Variants in KIF13A observed in about 807,000 individuals in gnomAD.
KIF13A encodes kinesin-like protein KIF13A.
KIF13A carries 79 observed loss-of-function variants against 212.2 expected under a neutral mutation model. The ratio of observed to expected loss-of-function variants is 0.37; its 90% confidence interval spans 0.31 to 0.45. The LOEUF is 0.45. KIF13A is among the 20% of genes least tolerant of loss of function. KIF13A has a pLI of 1.00. For missense variants in KIF13A, 1,901 were observed against 2,209.0 expected (o/e 0.86, Z 2.79); for synonymous variants, 789 against 808.6 (o/e 0.98, Z 0.41).
intron 17 of KIF13A, chr6:17,815,666 G>C (rs777583970): frequency 4.9e-6 from 2 of 410,680 alleles, no homozygotes; most frequent in South Asian, 3.6e-5. Flanking sequence ...TATAATATTG[G>C]AATAAAGAGT....
At chr6:17,860,721 G>A (rs1269741260) in intron 4 of KIF13A, among the ~76,000 whole-genome samples, 1 of 147,696 alleles carries the variant, frequency 6.8e-6, no homozygotes, top group African/African-American at 2.5e-5. Flanking sequence ...GTGAGACTCT[G>A]TCTCAAAAAA....
chr6:17,828,417 C>A lies in KIF13A; in HGVS notation c.1402-47G>T, dbSNP rs1765158633. The A allele has an allele frequency of 6.4e-7, 1 of 1,554,764 alleles. No individual in the cohort carries two copies. The highest frequency in any genetic ancestry group is 1.9e-5 in the Admixed American group (1 of 53,402). On this transcript the variant is annotated intron_variant, in intron 13 of 38. Transcript: ENST00000259711. The surrounding 1 kb of genome is among the most constrained non-coding windows in gnomAD (Gnocchi z 4.3). ...AAGAAAAACCCACATTTATGAGTAA[C>A]TCAGCAAAAATGTATCACAATCAAT...
At chr6:17,969,793 C>T (rs1023936234) in intron 2 of KIF13A, among the ~76,000 whole-genome samples, 1 of 152,094 alleles carries the variant, frequency 6.6e-6, no homozygotes, top group Admixed American at 6.6e-5. Flanking sequence ...ATTTACTGAC[C>T]CACTAAAATT....
intron 16 of KIF13A, among the ~76,000 whole-genome samples, chr6:17,819,753 T>A (rs6459577): frequency 0.46 from 69,277 of 151,720 alleles, 16,189 homozygotes; most frequent in South Asian, 0.53. Context: ...TATGGTAAAA[T>A]TTTTTTGAGG....
In KIF13A at chr6:17,855,388, T is replaced by C; in HGVS notation, c.494+49A>G. ...TTCCAATTTTAACTTTAGAATCATT[T>C]AAAATTATCTCCCCCTATTAACACA... On this transcript the variant is annotated intron_variant, in intron 6 of 38. Transcript: ENST00000259711. The surrounding 1 kb of genome is among the most constrained non-coding windows in gnomAD (Gnocchi z 4.1). The C allele has an allele frequency of 7.3e-7, 1 of 1,375,760 alleles. No individual in the cohort carries two copies. Among genetic ancestry groups the C allele is most frequent in the Non-Finnish European group, 1.0e-6 (1 of 999,542 alleles). 85.2% of individuals were successfully genotyped at this position (1,375,760 alleles called of 1,614,324 possible).
Position 17,915,936 on chromosome 6 carries a change from C to CA in KIF13A, c.147-17757dup, listed in dbSNP as rs1201620976. ...AGCCTGGGTGACAGAGAGCCAGTCT[C>CA]AAAAAAAAAAATAAAAATAAAAATA... On this transcript the variant is annotated intron_variant, in intron 2 of 38. Coordinates refer to ENST00000259711, the MANE Select transcript of KIF13A (RefSeq NM_022113.6). The surrounding 1 kb of genome is among the most constrained non-coding windows in gnomAD (Gnocchi z 4.4). Among the ~76,000 whole-genome samples, 133 of 126,684 alleles carry CA rather than the reference C, an allele frequency of 1.0e-3. 1 individual carries two copies. In the Middle Eastern group the frequency reaches 0.013, roughly 12 times the overall value. 83.1% of individuals were successfully genotyped at this position (126,684 alleles called of 152,430 possible).
chr6:17,876,091 A>C (rs958844205), intron 3 of KIF13A, among the ~76,000 whole-genome samples: 1 of 152,148 alleles, frequency 6.6e-6, no homozygotes, highest in African/African-American at 2.4e-5. Flanking sequence ...CATGCCTTGG[A>C]ACTACTACTT....
At chr6:17,820,339 G>A (rs1178107460) in intron 16 of KIF13A, among the ~76,000 whole-genome samples, 2 of 152,178 alleles carry the variant, frequency 1.3e-5, no homozygotes, top group Admixed American at 6.5e-5. Flanking sequence ...ACCACACACA[G>A]CTACGGTGGA....
chr6:17,882,111 A>C (rs773313357), intron 3 of KIF13A: 2 of 456,456 alleles, frequency 4.4e-6, no homozygotes, highest in East Asian at 6.9e-5. Context: ...CGAGATGTGA[A>C]GGTGCTTTCA....
At chr6:17,763,354 C>T (rs1464084367), downstream of KIF13A, among the ~76,000 whole-genome samples, 1 of 151,500 alleles carries the variant, frequency 6.6e-6, no homozygotes, top group Non-Finnish European at 1.5e-5. Context: ...CCTGTAGTCC[C>T]AGCTACACGG....
intron 4 of KIF13A, among the ~76,000 whole-genome samples, chr6:17,865,580 A>C (rs680092): frequency 0.4 from 60,752 of 152,040 alleles, 12,949 homozygotes; most frequent in East Asian, 0.58. Context: ...CTTTCTCAAA[A>C]ATCTTTGGTG....
intron 2 of KIF13A, among the ~76,000 whole-genome samples, chr6:17,945,531 A>T (rs1333736620): frequency 3.3e-5 from 5 of 152,224 alleles, no homozygotes; most frequent in African/African-American, 9.6e-5. Flanking sequence ...AGAAAAAAAA[A>T]TTTTAAGTAC....
chr6:17,873,918 T>A (rs572387341), intron 3 of KIF13A, among the ~76,000 whole-genome samples: 2 of 152,326 alleles, frequency 1.3e-5, no homozygotes, highest in East Asian at 3.9e-4. Context: ...AGACTAAATA[T>A]ATGGTTAGCT....
intron 2 of KIF13A, among the ~76,000 whole-genome samples, chr6:17,922,932 T>C (rs1444988892): frequency 6.6e-6 from 1 of 151,786 alleles, no homozygotes; most frequent in Non-Finnish European, 1.5e-5. Context: ...CCTGCACATA[T>C]GTTTTACGTA....
chr6:17,932,150 C>A (rs1482782522), intron 2 of KIF13A, among the ~76,000 whole-genome samples: 1 of 152,172 alleles, frequency 6.6e-6, no homozygotes, highest in Non-Finnish European at 1.5e-5. Flanking sequence ...CCGACACATG[C>A]TAGACACACA....
intron 23 of KIF13A, among the ~76,000 whole-genome samples, chr6:17,796,341 A>T (rs112843948): frequency 1.7e-4 from 26 of 148,998 alleles, no homozygotes; most frequent in East Asian, 3.9e-4. Flanking sequence ...AAATAAAAAA[A>T]AAATAAATAA....
At chr6:17,813,384 G>A (rs928580663) in intron 17 of KIF13A, among the ~76,000 whole-genome samples, 10 of 152,138 alleles carry the variant, frequency 6.6e-5, no homozygotes, top group African/African-American at 2.4e-4. Flanking sequence ...GGAGGCAGAG[G>A]TAGGAGAATC....
chr6:17,886,203 CT>C lies in KIF13A; in HGVS notation c.159+11964del, dbSNP rs1284540654. Among the ~76,000 whole-genome samples, 1 of 152,220 alleles carries C rather than the reference CT, an allele frequency of 6.6e-6. No homozygotes were observed. The highest frequency in any genetic ancestry group is 6.5e-5 in the Admixed American group (1 of 15,284). On this transcript the variant is annotated intron_variant, in intron 3 of 38. Transcript: ENST00000259711. This position sits in a 1 kb window ranked among gnomAD's most constrained non-coding sequence, Gnocchi z 5.6. Reference sequence around the variant, plus strand: ...TAATATCACCCACCATGAGCAATCTCTGGGTCTGGCTCAGAACTTCTGGACC... The same window carrying C: ...TAATATCACCCACCATGAGCAATCTCGGGTCTGGCTCAGAACTTCTGGACC...
chr6:17,853,793 G>C (rs1363291525), intron 6 of KIF13A, among the ~76,000 whole-genome samples: 1 of 152,160 alleles, frequency 6.6e-6, no homozygotes, highest in Non-Finnish European at 1.5e-5. Context: ...AAGAGGAAGA[G>C]AATGCTAAAC....
Sources: gnomAD v4.1 joint callset for allele counts (sites outside exome capture counted in the v4.1 genomes callset) on GRCh38, gnomAD v4.1.1 for gene constraint, Gnocchi (gnomAD v3.1) non-coding constraint, MANE v1.5 for transcripts, NCBI Gene and HGNC (gene_info 2026-07-23, HGNC 2026-07-21) for gene names.